The following CLIC4 variants were observed in gnomAD, a reference collection of about 807,000 sequenced individuals.
The protein encoded by CLIC4 is CLIC family member 4.
Under a neutral mutation model 24.6 loss-of-function variants are expected in CLIC4, and 13 were observed. That is an observed-to-expected ratio of 0.53 (90% CI 0.34 to 0.84). The LOEUF is 0.84. Among genes scored for constraint, CLIC4 ranks in the 40% least tolerant of loss-of-function variants. The pLI, the probability that CLIC4 is intolerant of heterozygous loss-of-function variation, is 0.01. For missense variants in CLIC4, 227 were observed against 301.7 expected, an observed-to-expected ratio of 0.75 and a Z score of 1.83; for synonymous variants, 104 against 111.3, an observed-to-expected ratio of 0.93 and a Z score of 0.41.
intron 2 of CLIC4, among the ~76,000 whole-genome samples, chr1:24,800,915 G>GTC: frequency 6.7e-6 from 1 of 149,676 alleles, no homozygotes; most frequent in Non-Finnish European, 1.5e-5. Flanking sequence ...AGTAATCAGG[G>GTC]ACAAACACTG....
chr1:24,818,313 G>T (rs1463749313), intron 3 of CLIC4, among the ~76,000 whole-genome samples: 2 of 151,828 alleles, frequency 1.3e-5, no homozygotes, highest in Non-Finnish European at 2.9e-5. Context: ...TTGAGACAGA[G>T]GCTCACTCTG....
At chr1:24,797,120 A>AT (rs570142799) in intron 1 of CLIC4, among the ~76,000 whole-genome samples, 1 of 150,776 alleles carries the variant, frequency 6.6e-6, no homozygotes, top group South Asian at 2.1e-4. Flanking sequence ...CACCTGGCTA[A>AT]TTTTTTTATT....
chr1:24,799,545 C>G (rs1171865952), intron 2 of CLIC4, among the ~76,000 whole-genome samples: 5 of 151,714 alleles, frequency 3.3e-5, no homozygotes, highest in East Asian at 3.9e-4. Flanking sequence ...GCCCCCCCAT[C>G]TGGGAAGTGA....
intron 4 of CLIC4, among the ~76,000 whole-genome samples, chr1:24,831,665 G>T (rs563110790): frequency 6.6e-6 from 1 of 152,226 alleles, no homozygotes; most frequent in East Asian, 1.9e-4. Flanking sequence ...TTGTTTAAGA[G>T]TCTTGCTCTG....
chr1:24,823,029 A>G (rs1209383058), intron 3 of CLIC4, among the ~76,000 whole-genome samples: 1 of 152,188 alleles, frequency 6.6e-6, no homozygotes, highest in East Asian at 1.9e-4. Context: ...GATAAGGAGA[A>G]AAAGGAGAAG....
chr1:24,755,436 C>CAA lies in CLIC4; in HGVS notation c.72+9829_72+9830dup, dbSNP rs796480286. On this transcript the variant is annotated intron_variant, in intron 1 of 5. Transcript: ENST00000374379. ...CCTGGGCGACAGTGAGACTCTGTCT[C>CAA]AAAAAAAAAAAAAAAAAAATTAGTC... Among the ~76,000 whole-genome samples the CAA allele has an allele frequency of 5.7e-3, 486 of 85,808 alleles. 2 individuals are homozygous for CAA. Among genetic ancestry groups the CAA allele is most frequent in the African/African-American group, 0.016 (417 of 25,696 alleles). The allele number at this position is 85,808 out of a possible 152,430, so 56.3% of individuals were successfully genotyped here.
chr1:24,816,841 C>A (rs1273745526), intron 3 of CLIC4, among the ~76,000 whole-genome samples: 1 of 152,072 alleles, frequency 6.6e-6, no homozygotes. Context: ...CAACAGTGGG[C>A]TTAAAATATT....
chr1:24,758,938 TTAAG>T (rs1415858685), intron 1 of CLIC4, among the ~76,000 whole-genome samples: 3 of 152,176 alleles, frequency 2.0e-5, no homozygotes, highest in African/African-American at 4.8e-5. Context: ...ATGTATTGAA[TTAAG>T]TGAGTTGGTT....
rs977647120 is a variant in CLIC4, at chr1:24,841,044, C to T, written c.*107C>T. 6 of 904,558 alleles carry T rather than the reference C, an allele frequency of 6.6e-6. No individual in the cohort carries two copies. In the African/African-American group the frequency reaches 1.0e-4, roughly 15 times the overall value. 56.0% of individuals were successfully genotyped at this position (904,558 alleles called of 1,614,324 possible). On this transcript the variant is annotated 3_prime_UTR_variant, in exon 6 of 6. Transcript: ENST00000374379. The stretch of plus-strand genomic sequence containing the variant: ...AGAAATTGTATTTTGCACGAACATG[C>T]AGTTATTGAAGATTAGGATCAAGGA...
intron 1 of CLIC4, among the ~76,000 whole-genome samples, chr1:24,764,779 T>A (rs1349230856): frequency 1.3e-5 from 2 of 152,214 alleles, no homozygotes; most frequent in African/African-American, 4.8e-5. Flanking sequence ...AATTTGAGAT[T>A]CACCACTAAA....
chr1:24,803,089 C>A (rs1639508266), intron 2 of CLIC4, among the ~76,000 whole-genome samples: 1 of 152,124 alleles, frequency 6.6e-6, no homozygotes, highest in African/African-American at 2.4e-5. Context: ...AGAAAGTGAG[C>A]ATTGGTTCAA....
At position 24,833,836 on chromosome 1, in the gene CLIC4, C is replaced by CA. The variant is rs1639861877; in HGVS notation, c.416-6024_416-6023insA. The stretch of plus-strand genomic sequence containing the variant: ...CGGGGCGGCTGGCCGACCCCCCCCC[C>CA]CCCCCCCCGCCTCCCTCCCGGACGG... On this transcript the variant is annotated intron_variant, in intron 4 of 5. Coordinates refer to ENST00000374379, the MANE Select transcript of CLIC4 (RefSeq NM_013943.3). Among the ~76,000 whole-genome samples the CA allele has an allele frequency of 2.2e-4, 5 of 22,952 alleles. 1 individual carries two copies. The highest frequency in any genetic ancestry group is 1.6e-3 in the African/African-American group (5 of 3,044). The allele number at this position is 22,952 out of a possible 152,430, so 15.1% of individuals were successfully genotyped here.
At chr1:24,830,818 T>C (rs1639832612) in intron 4 of CLIC4, among the ~76,000 whole-genome samples, 1 of 152,206 alleles carries the variant, frequency 6.6e-6, no homozygotes, top group Admixed American at 6.5e-5. Context: ...TATTGGAGAA[T>C]AATAGTGCTA....
In CLIC4 at chr1:24,787,599, C is replaced by T. The variant is rs113112243; in HGVS notation, c.73-10143C>T. Among the ~76,000 whole-genome samples the T allele has an allele frequency of 5.6e-3, 811 of 145,398 alleles. 12 individuals carry two copies. Among genetic ancestry groups the T allele is most frequent in the Admixed American group, 0.021 (305 of 14,682 alleles). ...TCACCCAGGCTGGAGTGCAGTGGCG[C>T]GATCTCTGCTCACTGCAAGCTCCGC... On this transcript the variant is annotated intron_variant, in intron 1 of 5. Coordinates refer to ENST00000374379, the MANE Select transcript of CLIC4 (RefSeq NM_013943.3).
rs139395716 is a variant in CLIC4 at position 24,747,273 on chromosome 1, C to T, written c.72+1648C>T. Among the ~76,000 whole-genome samples, 5 of 151,576 alleles carry T rather than the reference C, an allele frequency of 3.3e-5. No homozygotes were observed. In the East Asian group the frequency reaches 9.7e-4, roughly 29 times the overall value. ...GAAGGAGGCCGGGCGCGGTGGCTCA[C>T]GCCTGTAATCCCAGCACTTTGGGAG... On this transcript the variant is annotated intron_variant, in intron 1 of 5. Transcript: ENST00000374379.
intron 1 of CLIC4, among the ~76,000 whole-genome samples, chr1:24,768,635 G>A (rs1238940476): frequency 2.0e-5 from 3 of 152,016 alleles, no homozygotes; most frequent in Non-Finnish European, 4.4e-5. Flanking sequence ...CATGTCGGCC[G>A]GGTGCGGTGG....
chr1:24,807,522 G>T (rs542913864), intron 2 of CLIC4, among the ~76,000 whole-genome samples: 1 of 152,062 alleles, frequency 6.6e-6, no homozygotes, highest in Admixed American at 6.6e-5. Context: ...GGGTTAGACC[G>T]CACAGACTAA....
chr1:24,797,025 C>A (rs1639413009), intron 1 of CLIC4, among the ~76,000 whole-genome samples: 1 of 151,078 alleles, frequency 6.6e-6, no homozygotes, highest in African/African-American at 2.4e-5. Context: ...ACGATCTCAG[C>A]ACACTGCAAC....
chr1:24,811,807 G>T, intron 2 of CLIC4, among the ~76,000 whole-genome samples: 1 of 152,112 alleles, frequency 6.6e-6, no homozygotes, highest in East Asian at 1.9e-4. Context: ...TAGATTCAGG[G>T]TCAACTTCTT....
Sources: allele counts gnomAD v4.1 joint callset (sites outside exome capture counted in the v4.1 genomes callset), GRCh38; gene constraint gnomAD v4.1.1; transcripts MANE v1.5; gene names NCBI Gene and HGNC (gene_info 2026-07-23, HGNC 2026-07-21).